Variants in SLC2A14 observed in about 807,000 individuals in gnomAD.
SLC2A14 encodes solute carrier family 2, facilitated glucose transporter member 14.
SLC2A14 carries 13 observed loss-of-function variants against 43.0 expected under a neutral mutation model. The observed-to-expected ratio is 0.30, with a 90% confidence interval of 0.20 to 0.48. SLC2A14 has a LOEUF of 0.48. SLC2A14 is among the 20% of genes least tolerant of loss of function. The probability of loss-of-function intolerance (pLI) is 0.99; values close to 1 mark genes in which losing one functional copy is unlikely to be tolerated. For synonymous variants in SLC2A14, 190 were observed against 233.8 expected, an observed-to-expected ratio of 0.81 and a Z score of 1.71; for missense variants, 428 against 620.4, an observed-to-expected ratio of 0.69 and a Z score of 3.29.
chr12:7,880,740 C>T (rs1945555350), intron 1 of SLC2A14, among the ~76,000 whole-genome samples: 1 of 149,608 alleles, frequency 6.7e-6, no homozygotes, highest in African/African-American at 2.5e-5. Context: ...GGCGCAGTGG[C>T]TCATGCTTGT....
chr12:7,820,252 G>C (rs1018774504), intron 8 of SLC2A14, among the ~76,000 whole-genome samples: 7 of 148,334 alleles, frequency 4.7e-5, no homozygotes, highest in African/African-American at 1.8e-4. Flanking sequence ...TCATCTGGTT[G>C]TGTATTTCTG....
At chr12:7,814,796 T>G (rs115684464) in intron 10 of SLC2A14, among the ~76,000 whole-genome samples, 1,626 of 151,400 alleles carry the variant, frequency 0.011, 32 homozygotes, top group African/African-American at 0.037. Context: ...CTTTTGAGTA[T>G]TATTATTATT....
rs1288726710 is a variant in SLC2A14 at position 7,821,393 on chromosome 12, A to G, written c.865-68T>C. The G allele has an allele frequency of 3.5e-6, 5 of 1,409,122 alleles. No homozygotes were observed. In the African/African-American group the frequency reaches 7.1e-5, roughly 20 times the overall value. The allele number at this position is 1,409,122 out of a possible 1,614,324, so 87.3% of individuals were successfully genotyped here. On this transcript the variant is annotated intron_variant, in intron 7 of 10. Coordinates refer to ENST00000431042, the MANE Select transcript of SLC2A14 (RefSeq NM_001286234.2). ...ACCACTTACACAGAACCCTCAAAAA[A>G]TACTTAAGGCTGAGCGTGGTTGCAC...
intron 2 of SLC2A14, among the ~76,000 whole-genome samples, chr12:7,835,279 C>T (rs1049064599): frequency 6.6e-6 from 1 of 152,074 alleles, no homozygotes; most frequent in Admixed American, 6.6e-5. Flanking sequence ...CCCAGCTACT[C>T]AGGAGACTGA....
rs554519899 is a variant in SLC2A14 at position 7,871,464 on chromosome 12, C to T, written c.-58+1343G>A. ...CTGGTCTGTACCAGCTCTCTGCCCACGACCTTCTCTCAGGGGATCCTCCCT... is the reference window on the plus strand; with the variant it reads ...CTGGTCTGTACCAGCTCTCTGCCCATGACCTTCTCTCAGGGGATCCTCCCT... On this transcript the variant is annotated intron_variant, in intron 1 of 10. Transcript: ENST00000431042. 1.5e-3 allele frequency: 268 copies of T among 175,016 alleles called. 3 individuals carry two copies. The highest frequency in any genetic ancestry group is 1.9e-3 in the Non-Finnish European group (152 of 82,128). The allele number at this position is 175,016 out of a possible 1,614,324, so 10.8% of individuals were successfully genotyped here. A position where few individuals can be genotyped will look rare whatever the true frequency, so the allele number is the denominator to read the frequency against.
chr12:7,838,863 A>G (rs754996428), intron 2 of SLC2A14, among the ~76,000 whole-genome samples: 43 of 152,306 alleles, frequency 2.8e-4, no homozygotes, highest in East Asian at 1.9e-3. Flanking sequence ...GGTAATTAAG[A>G]TTACATGAAG....
chr12:7,821,629 C>T (rs895709869), intron 7 of SLC2A14, among the ~76,000 whole-genome samples: 2 of 152,056 alleles, frequency 1.3e-5, no homozygotes, highest in Non-Finnish European at 2.9e-5. Context: ...TTAAAAAATA[C>T]TTAAAAGTCC....
intron 2 of SLC2A14, 23 bp downstream of exon 2, chr12:7,869,840 C>G (rs1245224643): frequency 1.4e-6 from 2 of 1,416,772 alleles, no homozygotes; most frequent in South Asian, 2.5e-5. Flanking sequence ...AATTTGATAT[C>G]TGACATCAGT....
intron 2 of SLC2A14, among the ~76,000 whole-genome samples, chr12:7,839,410 G>C (rs1387291575): frequency 6.6e-6 from 1 of 152,100 alleles, no homozygotes; most frequent in Admixed American, 6.5e-5. Flanking sequence ...CAGGAGTGGA[G>C]TGAAGCGGGG....
Position 7,813,516 on chromosome 12 carries a change from C to G in SLC2A14, c.*800G>C, listed in dbSNP as rs1209453452. The G allele has an allele frequency of 6.6e-6, 1 of 152,146 alleles. No homozygotes were observed. The highest frequency in any genetic ancestry group is 2.4e-5 in the African/African-American group (1 of 41,454). 9.4% of individuals were successfully genotyped at this position (152,146 alleles called of 1,614,324 possible). On this transcript the variant is annotated 3_prime_UTR_variant, in exon 11 of 11. Coordinates refer to ENST00000431042, the MANE Select transcript of SLC2A14 (RefSeq NM_001286234.2). ...AGTACTACTACATGTAAACTATTAT[C>G]TTAAAGATAAAGTTCCAAAGGAAAT...
chr12:7,886,002 T>G (rs1945681496), intron 1 of SLC2A14, among the ~76,000 whole-genome samples: 1 of 151,564 alleles, frequency 6.6e-6, no homozygotes, highest in African/African-American at 2.4e-5. Flanking sequence ...TTTTTTTTTT[T>G]GAGATGGAGT....
chr12:7,861,745 T>A (rs1368590465), intron 2 of SLC2A14, among the ~76,000 whole-genome samples: 3 of 151,990 alleles, frequency 2.0e-5, no homozygotes, highest in South Asian at 4.2e-4. Flanking sequence ...GCAGATCTCC[T>A]GAGGTCAGGA....
At chr12:7,886,151 C>CTATTTTTTTTT (rs1945684984) in intron 1 of SLC2A14, among the ~76,000 whole-genome samples, 1 of 44,696 alleles carries the variant, frequency 2.2e-5, no homozygotes. Flanking sequence ...GCCCGGACAG[C>CTATTTTTTTTT]TTTTTTTTTT....
intron 2 of SLC2A14, among the ~76,000 whole-genome samples, chr12:7,838,035 G>C (rs1246973920): frequency 6.6e-6 from 1 of 151,966 alleles, no homozygotes; most frequent in East Asian, 1.9e-4. Context: ...TGGGATTATA[G>C]GTGTGAGCCA....
At chr12:7,821,099 A>G in intron 8 of SLC2A14, 122 bp downstream of exon 8, 2 of 746,612 alleles carry the variant, frequency 2.7e-6, no homozygotes, top group Non-Finnish European at 4.2e-6. Context: ...AAAATTTAAA[A>G]AAATAAAAAT....
intron 2 of SLC2A14, among the ~76,000 whole-genome samples, chr12:7,862,896 C>T (rs1294175280): frequency 2.6e-5 from 4 of 152,002 alleles, no homozygotes; most frequent in Non-Finnish European, 5.9e-5. Flanking sequence ...TTGTATCTGG[C>T]TCAGGGATTG....
chr12:7,847,768 G>C (rs1486267210), intron 2 of SLC2A14, among the ~76,000 whole-genome samples: 1 of 152,152 alleles, frequency 6.6e-6, no homozygotes, highest in Non-Finnish European at 1.5e-5. Context: ...AGCTGGTAGA[G>C]AGAAGCAGTG....
chr12:7,871,882 C>T (rs1336526427), intron 1 of SLC2A14: 3 of 984,242 alleles, frequency 3.0e-6, no homozygotes, highest in Admixed American at 6.2e-5. Context: ...CCCAGAGCAG[C>T]CACCCATCGT....
chr12:7,882,421 C>A (rs1223813426), intron 1 of SLC2A14, among the ~76,000 whole-genome samples: 1 of 152,114 alleles, frequency 6.6e-6, no homozygotes. Flanking sequence ...CGCGAGGGTC[C>A]ATGGCTTCAT....
Sources: gnomAD v4.1 joint callset for allele counts (sites outside exome capture counted in the v4.1 genomes callset) on GRCh38, gnomAD v4.1.1 for gene constraint, MANE v1.5 for transcripts, NCBI Gene and HGNC (gene_info 2026-07-23, HGNC 2026-07-21) for gene names.